Variants in TMEM182 observed in about 807,000 individuals in gnomAD.
TMEM182 encodes transmembrane protein 182.
A neutral mutation model predicts 26.8 loss-of-function variants in TMEM182; 20 were observed. The observed-to-expected ratio is 0.75, with a 90% CI of 0.53 to 1.09. The LOEUF is 1.09. TMEM182 is among the 50% of genes least tolerant of loss of function. The probability of loss-of-function intolerance (pLI) is 0.00; values close to 1 mark genes in which losing one functional copy is unlikely to be tolerated. For synonymous variants in TMEM182, 109 were observed against 102.2 expected, an observed-to-expected ratio of 1.07 and a Z score of -0.40; for missense variants, 277 against 275.5, an observed-to-expected ratio of 1.01 and a Z score of -0.04.
At chr2:102,806,068 A>C (rs546770021) in intron 4 of TMEM182, among the ~76,000 whole-genome samples, 1 of 152,276 alleles carries the variant, frequency 6.6e-6, no homozygotes, top group African/African-American at 2.4e-5. Flanking sequence ...TTCTTTGCAA[A>C]TATTTCCTTT....
chr2:102,771,475 G>A (rs1347640469), intron 3 of TMEM182, among the ~76,000 whole-genome samples: 1 of 151,994 alleles, frequency 6.6e-6, no homozygotes, highest in Admixed American at 6.6e-5. Context: ...ACAACATCAA[G>A]GCCGTACTTA....
chr2:102,825,291 A>G (rs1195485713), intron 3 of TMEM182, among the ~76,000 whole-genome samples: 1 of 152,258 alleles, frequency 6.6e-6, no homozygotes, highest in Non-Finnish European at 1.5e-5. Flanking sequence ...ACAAAGGAAC[A>G]GAAAGGAAGA....
intron 3 of TMEM182, chr2:102,834,466 C>G (rs1683206209): frequency 8.1e-6 from 8 of 984,148 alleles, no homozygotes; most frequent in Non-Finnish European, 7.2e-6. Context: ...CTGCCAGTGC[C>G]CCATGGTCTC....
chr2:102,741,698 C>T (rs1679549519), intron 1 of TMEM182, among the ~76,000 whole-genome samples: 2 of 152,112 alleles, frequency 1.3e-5, no homozygotes, highest in Non-Finnish European at 2.9e-5. Context: ...TTCCCCTACC[C>T]AACACCTTAC....
upstream of TMEM182, among the ~76,000 whole-genome samples, chr2:102,759,262 C>G (rs1453024479): frequency 6.6e-6 from 1 of 152,060 alleles, no homozygotes. Flanking sequence ...CAACAGATTG[C>G]TCCTTCTTTC....
rs1573569391 is a variant in TMEM182 at position 102,816,589 on chromosome 2, A to G, written c.*1621A>G. On this transcript the variant is annotated 3_prime_UTR_variant, in exon 5 of 5. Transcript: ENST00000412401. ...ACTGGTTTCTCAAGTCATTTCAGTGATATCATTGAAACGTTTTTGTGGTAC... is the reference window on the plus strand; with the variant it reads ...ACTGGTTTCTCAAGTCATTTCAGTGGTATCATTGAAACGTTTTTGTGGTAC... The G allele has an allele frequency of 1.0e-6, 1 of 984,908 alleles. No individual in the cohort carries two copies. The highest frequency in any genetic ancestry group is 6.2e-5 in the Admixed American group (1 of 16,198). 61.0% of individuals were successfully genotyped at this position (984,908 alleles called of 1,614,324 possible). A position where few individuals can be genotyped will look rare whatever the true frequency, so the allele number is the denominator to read the frequency against.
At chr2:102,831,682 G>A (rs1423789310) in intron 3 of TMEM182, among the ~76,000 whole-genome samples, 1 of 152,098 alleles carries the variant, frequency 6.6e-6, no homozygotes, top group Non-Finnish European at 1.5e-5. Context: ...GCTCAAACCT[G>A]GGAGGTGGAG....
chr2:102,758,394 A>G, upstream of TMEM182: 2 of 707,838 alleles, frequency 2.8e-6, no homozygotes, highest in Non-Finnish European at 5.2e-6. Flanking sequence ...CTTAGGAATC[A>G]TGGAAAACTA....
rs188866538 is a variant in TMEM182, at chr2:102,830,259, A to G, written c.326-13153A>G. Among the ~76,000 whole-genome samples the G allele has an allele frequency of 2.5e-3, 381 of 152,366 alleles. 1 individual carries two copies. Among genetic ancestry groups the G allele is most frequent in the Non-Finnish European group, 4.6e-3 (313 of 68,038 alleles). On this transcript the variant is annotated intron_variant, in intron 3 of 3. Transcript: ENST00000486293. Reference sequence around the variant, plus strand: ...AATCAAGTTTTGACAACCACTTCATATAAATTACTATGCTTTCTCTATGGA... The same window carrying G: ...AATCAAGTTTTGACAACCACTTCATGTAAATTACTATGCTTTCTCTATGGA...
chr2:102,819,559 A>G (rs1446416408), downstream of TMEM182, among the ~76,000 whole-genome samples: 1 of 152,220 alleles, frequency 6.6e-6, no homozygotes, highest in East Asian at 1.9e-4. Context: ...GGATTTGGAT[A>G]AAACTATATA....
chr2:102,772,156 G>T (rs1429017268), intron 3 of TMEM182, among the ~76,000 whole-genome samples: 1 of 152,166 alleles, frequency 6.6e-6, no homozygotes, highest in East Asian at 1.9e-4. Flanking sequence ...GGAGCTGTCT[G>T]GGCCTCTCTT....
upstream of TMEM182, among the ~76,000 whole-genome samples, chr2:102,760,773 C>T (rs571615777): frequency 1.3e-5 from 2 of 152,186 alleles, no homozygotes; most frequent in South Asian, 4.2e-4. Context: ...CGCCACCATG[C>T]CCAGCTAATT....
chr2:102,760,873 A>G (rs1490258137), upstream of TMEM182, among the ~76,000 whole-genome samples: 1 of 152,132 alleles, frequency 6.6e-6, no homozygotes. Flanking sequence ...CTGGGATTAC[A>G]GGTGTGAGCC....
In TMEM182 at chr2:102,841,676, T is replaced by G. The variant is rs576886878; in HGVS notation, c.326-1736T>G. Among the ~76,000 whole-genome samples, 3 of 152,338 alleles carry G rather than the reference T, an allele frequency of 2.0e-5. No homozygotes were observed. The South Asian group carries it at 6.2e-4, about 32-fold the overall frequency. ...AATGGGAGCTAAAGCAGAACAATTA[T>G]CCATATGGACGTTAAAGGGATAGAT... On this transcript the variant is annotated intron_variant, in intron 3 of 3. Transcript: ENST00000486293.
At chr2:102,764,125 T>G (rs1371735089) in intron 2 of TMEM182, among the ~76,000 whole-genome samples, 1 of 152,198 alleles carries the variant, frequency 6.6e-6, no homozygotes, top group African/African-American at 2.4e-5. Context: ...ATGTTCTGGA[T>G]GAATCCACCT....
intron 1 of TMEM182, among the ~76,000 whole-genome samples, chr2:102,754,462 A>G (rs1246403294): frequency 1.3e-5 from 2 of 151,574 alleles, no homozygotes; most frequent in African/African-American, 2.4e-5. Flanking sequence ...GTACACCTAC[A>G]ACATACTATC....
downstream of TMEM182, among the ~76,000 whole-genome samples, chr2:102,820,193 C>T (rs1682891376): frequency 6.6e-6 from 1 of 152,134 alleles, no homozygotes; most frequent in Admixed American, 6.5e-5. Context: ...TGTGATGAGC[C>T]TGTGTTTGGA....
In TMEM182 at chr2:102,816,925, T is replaced by G. The variant is rs1409197821; in HGVS notation, c.*1957T>G. 16 of 985,706 alleles carry G rather than the reference T, an allele frequency of 1.6e-5. No individual in the cohort carries two copies. The highest frequency in any genetic ancestry group is 1.9e-5 in the Non-Finnish European group (16 of 829,802). 61.1% of individuals were successfully genotyped at this position (985,706 alleles called of 1,614,324 possible). ...ATTTATAAATTTCAGATGGTTATCC[T>G]CACTTTATAGTACACTTAAGTGGCT... is the stretch of plus-strand genomic sequence containing the variant. On this transcript the variant is annotated 3_prime_UTR_variant, in exon 5 of 5. Transcript: ENST00000412401.
chr2:102,738,485 C>CT (rs1437905855), intron 1 of TMEM182, among the ~76,000 whole-genome samples: 1 of 152,076 alleles, frequency 6.6e-6, no homozygotes, highest in East Asian at 1.9e-4. Flanking sequence ...GTCCCAGCTA[C>CT]TTGGGAGGCT....
Sources: allele counts gnomAD v4.1 joint callset (sites outside exome capture counted in the v4.1 genomes callset), GRCh38; gene constraint gnomAD v4.1.1; transcripts MANE v1.5; gene names NCBI Gene and HGNC (gene_info 2026-07-23, HGNC 2026-07-21).